Variants in MPDZ observed in about 807,000 individuals in gnomAD.
MPDZ encodes the protein multiple PDZ domain crumbs cell polarity complex component.
MPDZ carries 234 observed loss-of-function variants against 239.1 expected under a neutral mutation model. That is an observed-to-expected ratio of 0.98 (90% CI 0.88 to 1.09). The LOEUF (loss-of-function observed/expected upper bound fraction) is 1.09. Among genes scored for constraint, MPDZ ranks in the 50% least tolerant of loss-of-function variants. The pLI is 0.00. For missense variants in MPDZ, 3,175 were observed against 2,510.0 expected, an observed-to-expected ratio of 1.26 and a Z score of -5.66; for synonymous variants, 1,048 against 881.3, an observed-to-expected ratio of 1.19 and a Z score of -3.35.
chr9:13,119,471 A>C (rs1255451222), intron 39 of MPDZ, 31 bp downstream of exon 39: 38 of 1,598,744 alleles, frequency 2.4e-5, no homozygotes, highest in Non-Finnish European at 3.1e-5. Flanking sequence ...CTTCTACGCT[A>C]TTACACAGAA....
At chr9:13,227,059 T>A (rs982222444) in intron 3 of MPDZ, among the ~76,000 whole-genome samples, 5 of 152,064 alleles carry the variant, frequency 3.3e-5, no homozygotes, top group African/African-American at 1.2e-4. Context: ...ACAAAACATT[T>A]GAGATATCAT....
intron 21 of MPDZ, among the ~76,000 whole-genome samples, chr9:13,171,186 C>T (rs1587481530): frequency 6.6e-6 from 1 of 152,108 alleles, no homozygotes. Flanking sequence ...ATACCTGACA[C>T]AAAGTGTACG....
At chr9:13,140,723 G>A (rs1037293952) in intron 27 of MPDZ, 1 of 151,894 alleles carries the variant, frequency 6.6e-6, no homozygotes, top group Non-Finnish European at 1.5e-5. Context: ...TTTTGGGTCT[G>A]GGTAAGATTT....
intron 16 of MPDZ, 107 bp from the exon 17 acceptor site, chr9:13,189,100 A>T: frequency 1.1e-6 from 1 of 922,932 alleles, no homozygotes; most frequent in Non-Finnish European, 1.6e-6. Flanking sequence ...AAGTGCCTTT[A>T]AAAATTTTCA....
At position 13,168,880 on chromosome 9, in the gene MPDZ, T is replaced by C. The variant is rs114728665; in HGVS notation, c.3056-316A>G. On this transcript the variant is annotated intron_variant, in intron 21 of 46. Transcript: ENST00000319217. ...TCTCTCAGGGAGAGTACTATGATAG[T>C]ATCAAATCAGTTTTACAATATTAGT... is the stretch of plus-strand genomic sequence containing the variant. Among the ~76,000 whole-genome samples, 972 of 152,250 alleles carry C rather than the reference T, an allele frequency of 6.4e-3. 7 individuals are homozygous for C. The highest frequency in any genetic ancestry group is 0.022 in the African/African-American group (934 of 41,554).
chr9:13,136,062 C>T, intron 31 of MPDZ, 30 bp downstream of exon 31: 1 of 1,414,020 alleles, frequency 7.1e-7, no homozygotes, highest in Non-Finnish European at 9.9e-7. Context: ...ATCAAGTCTT[C>T]CCAGAGAAAC....
intron 2 of MPDZ, 73 bp from the exon 3 acceptor site, chr9:13,247,874 T>G: frequency 7.3e-7 from 1 of 1,362,896 alleles, no homozygotes; most frequent in Non-Finnish European, 9.9e-7. Context: ...GACTCCATCT[T>G]GTAGAAATTC....
intron 31 of MPDZ, 175 bp downstream of exon 31, chr9:13,135,917 G>T: frequency 2.0e-6 from 1 of 504,906 alleles, no homozygotes; most frequent in Non-Finnish European, 3.5e-6. Flanking sequence ...CACATAAGTG[G>T]TATGCTTATT....
At chr9:13,107,770 A>G (rs2130946174) in intron 46 of MPDZ, among the ~76,000 whole-genome samples, 1 of 152,350 alleles carries the variant, frequency 6.6e-6, no homozygotes. Context: ...TTAGAAAAAG[A>G]ACCCCATCTT....
intron 41 of MPDZ, among the ~76,000 whole-genome samples, chr9:13,113,675 T>C (rs936583467): frequency 6.6e-6 from 1 of 152,144 alleles, no homozygotes. Context: ...AAAACACCAA[T>C]CTGCTTAGTA....
intron 32 of MPDZ, among the ~76,000 whole-genome samples, chr9:13,131,881 G>C (rs1392665623): frequency 6.6e-6 from 1 of 152,102 alleles, no homozygotes; most frequent in Non-Finnish European, 1.5e-5. Flanking sequence ...TGGAACAAAT[G>C]GCTTGCCTAT....
intron 27 of MPDZ, 63 bp downstream of exon 27, chr9:13,143,403 A>G (rs1026015124): frequency 7.4e-6 from 9 of 1,214,666 alleles, no homozygotes; most frequent in Non-Finnish European, 1.1e-5. Flanking sequence ...AAGACACAGT[A>G]GTAACAAAGA....
intron 10 of MPDZ, among the ~76,000 whole-genome samples, chr9:13,212,097 C>G (rs1957691158): frequency 6.6e-6 from 1 of 152,002 alleles, no homozygotes; most frequent in South Asian, 2.1e-4. Flanking sequence ...TCAATTCTAT[C>G]TAAAAGTGAA....
At chr9:13,222,511 T>C in intron 5 of MPDZ, 65 bp from the exon 6 acceptor site, 1 of 1,267,198 alleles carries the variant, frequency 7.9e-7, no homozygotes, top group Admixed American at 1.7e-5. Context: ...ACAGCTTCTT[T>C]GGCATGTATG....
rs546948959 is a variant in MPDZ at position 13,169,607 on chromosome 9, AT to A, written c.3056-1044del. Among the ~76,000 whole-genome samples, 75 of 152,120 alleles carry A rather than the reference AT, an allele frequency of 4.9e-4. 1 individual carries two copies. In the South Asian group the frequency reaches 0.016, roughly 32 times the overall value. On this transcript the variant is annotated intron_variant, in intron 21 of 46. Coordinates refer to ENST00000319217, the MANE Select transcript of MPDZ (RefSeq NM_001378778.1). ...CCTAACTGGTCACCTGCCTTCCATG[AT>A]TGTCTCCTTCAATGCATACTTCCCT...
intron 39 of MPDZ, among the ~76,000 whole-genome samples, chr9:13,116,722 A>C (rs1310764648): frequency 6.6e-6 from 1 of 152,192 alleles, no homozygotes; most frequent in African/African-American, 2.4e-5. Context: ...TTGATTATTT[A>C]AAAAAGTGTT....
chr9:13,223,094 C>T (rs193028333), intron 5 of MPDZ, among the ~76,000 whole-genome samples: 1 of 152,042 alleles, frequency 6.6e-6, no homozygotes, highest in Non-Finnish European at 1.5e-5. Flanking sequence ...AGAATGTGCA[C>T]AGGCTATATA....
chr9:13,205,478 T>A (rs1451383900), intron 11 of MPDZ, among the ~76,000 whole-genome samples: 1 of 152,150 alleles, frequency 6.6e-6, no homozygotes, highest in African/African-American at 2.4e-5. Flanking sequence ...ATGAATGACA[T>A]TTCTAAATGT....
At chr9:13,115,382 G>T in intron 39 of MPDZ, 48 bp from the exon 40 acceptor site, 2 of 1,432,816 alleles carry the variant, frequency 1.4e-6, no homozygotes, top group African/African-American at 1.4e-5. Context: ...TAAATAAAAT[G>T]CTATAATCAT....
Sources: allele counts gnomAD v4.1 joint callset (sites outside exome capture counted in the v4.1 genomes callset), GRCh38; gene constraint gnomAD v4.1.1; transcripts MANE v1.5; gene names NCBI Gene and HGNC (gene_info 2026-07-23, HGNC 2026-07-21).